IL34: variants seen among roughly 807,000 people sequenced by gnomAD.
IL34 encodes the protein interleukin-34.
In IL34, 17 loss-of-function variants were observed where a neutral mutation model predicts 25.3. The observed-to-expected ratio is 0.67, with a 90% confidence interval of 0.46 to 1.01. The LOEUF (loss-of-function observed/expected upper bound fraction) is 1.01, where lower values mean the gene tolerates loss of function less well. Among genes scored for constraint, IL34 ranks in the 50% least tolerant of loss-of-function variants. The pLI, the probability that IL34 is intolerant of heterozygous loss-of-function variation, is 0.00. For synonymous variants in IL34, 174 were observed against 140.9 expected (o/e 1.23, Z -1.66); for missense variants, 368 against 312.9 (o/e 1.18, Z -1.33).
At chr16:70,619,776 G>A (rs1203101795) in intron 1 of IL34, among the ~76,000 whole-genome samples, 5 of 152,054 alleles carry the variant, frequency 3.3e-5, no homozygotes, top group Non-Finnish European at 7.4e-5. Flanking sequence ...AGAGAGCCTT[G>A]GGCCAGAGTT....
intron 1 of IL34, among the ~76,000 whole-genome samples, chr16:70,651,709 C>T (rs1426941421): frequency 1.3e-5 from 2 of 151,006 alleles, no homozygotes; most frequent in African/African-American, 4.9e-5. Flanking sequence ...GTAATTCCTG[C>T]TCATAGCTGG....
intron 1 of IL34, among the ~76,000 whole-genome samples, chr16:70,630,631 C>G (rs941265876): frequency 6.7e-6 from 1 of 150,192 alleles, no homozygotes; most frequent in Admixed American, 6.7e-5. Context: ...CAGGCATGAT[C>G]AGTGCAATCA....
At chr16:70,620,560 C>T (rs1299649359) in intron 1 of IL34, among the ~76,000 whole-genome samples, 2 of 152,044 alleles carry the variant, frequency 1.3e-5, no homozygotes, top group Non-Finnish European at 2.9e-5. Context: ...TAGAAAGACT[C>T]AGCGACACTT....
intron 1 of IL34, among the ~76,000 whole-genome samples, chr16:70,595,333 C>T (rs868194398): frequency 1.4e-5 from 2 of 146,244 alleles, no homozygotes; most frequent in Non-Finnish European, 2.9e-5. Flanking sequence ...AATTCCTTCT[C>T]CTTCTTTTTC....
chr16:70,635,621 G>T (rs1167177010), intron 1 of IL34, among the ~76,000 whole-genome samples: 1 of 152,164 alleles, frequency 6.6e-6, no homozygotes. Context: ...GGGTCCCATT[G>T]ACTGGTCCCA....
chr16:70,647,339 G>T (rs1487120775), intron 1 of IL34, among the ~76,000 whole-genome samples: 2 of 152,208 alleles, frequency 1.3e-5, no homozygotes, highest in Non-Finnish European at 2.9e-5. Context: ...GTGGAGGGGG[G>T]CAGGGGCTGG....
intron 1 of IL34, among the ~76,000 whole-genome samples, chr16:70,629,981 C>T (rs1274865065): frequency 6.6e-6 from 1 of 152,150 alleles, no homozygotes; most frequent in Non-Finnish European, 1.5e-5. Flanking sequence ...ACCAACCAAC[C>T]ATCATTTCCA....
intron 4 of IL34, among the ~76,000 whole-genome samples, chr16:70,658,359 T>TG (rs1251022849): frequency 2.6e-5 from 4 of 152,106 alleles, no homozygotes; most frequent in East Asian, 1.9e-4. Flanking sequence ...GTTTTAGAGA[T>TG]GGGGGTCTCG....
intron 1 of IL34, among the ~76,000 whole-genome samples, chr16:70,649,284 C>A (rs1597777121): frequency 6.6e-6 from 1 of 152,208 alleles, no homozygotes; most frequent in Non-Finnish European, 1.5e-5. Context: ...CTTTTGCAGT[C>A]ATATTTATAC....
chr16:70,616,412 G>T (rs1464734207), intron 1 of IL34, among the ~76,000 whole-genome samples: 1 of 152,120 alleles, frequency 6.6e-6, no homozygotes, highest in South Asian at 2.1e-4. Flanking sequence ...ACTCAATGTA[G>T]TCTTAATTTA....
Position 70,657,452 on chromosome 16 carries a change from G to T in IL34, c.402+331G>T, listed in dbSNP as rs576721441. The T allele has an allele frequency of 4.5e-4, 118 of 264,212 alleles. 1 individual carries two copies. The highest frequency in any genetic ancestry group is 1.2e-4 in the Non-Finnish European group (17 of 138,358). 16.4% of individuals were successfully genotyped at this position (264,212 alleles called of 1,614,324 possible). ...CACGAGGGTCCTGGAGGTGGGGTAG[G>T]GGGAGAGGGGAAGAATGGATGGAGC... On this transcript the variant is annotated intron_variant, in intron 4 of 5. Transcript: ENST00000288098.
At chr16:70,580,488 TA>T in intron 1 of IL34, among the ~76,000 whole-genome samples, 2 of 152,322 alleles carry the variant, frequency 1.3e-5, no homozygotes, top group East Asian at 3.9e-4. Flanking sequence ...TATCAAAAAT[TA>T]ATTGACTTGG....
At chr16:70,617,873 A>G (rs913899266) in intron 1 of IL34, among the ~76,000 whole-genome samples, 3 of 152,010 alleles carry the variant, frequency 2.0e-5, no homozygotes, top group African/African-American at 7.3e-5. Context: ...AAGGGAAGAA[A>G]TGACTGCGGT....
chr16:70,597,348 G>A (rs1242466029), intron 1 of IL34, among the ~76,000 whole-genome samples: 1 of 151,952 alleles, frequency 6.6e-6, no homozygotes, highest in African/African-American at 2.4e-5. Context: ...AGCCTCCCAT[G>A]TAGCTGGGAC....
intron 1 of IL34, among the ~76,000 whole-genome samples, chr16:70,634,608 A>C (rs1316368935): frequency 6.6e-6 from 1 of 151,410 alleles, no homozygotes; most frequent in East Asian, 1.9e-4. Flanking sequence ...TGAACCCAGG[A>C]GGCGGAGGTT....
intron 2 of IL34, among the ~76,000 whole-genome samples, chr16:70,655,186 G>A (rs2052184315): frequency 1.3e-5 from 2 of 151,444 alleles, no homozygotes; most frequent in Admixed American, 6.6e-5. Context: ...CCGAGTAGCT[G>A]GGACTACAGG....
intron 1 of IL34, among the ~76,000 whole-genome samples, chr16:70,587,530 C>T (rs973790341): frequency 2.0e-5 from 3 of 151,974 alleles, no homozygotes; most frequent in African/African-American, 4.8e-5. Flanking sequence ...CTCGGCGTCC[C>T]AAAGGGCTGG....
At chr16:70,631,906 A>G (rs538636605) in intron 1 of IL34, among the ~76,000 whole-genome samples, 3 of 150,002 alleles carry the variant, frequency 2.0e-5, no homozygotes, top group South Asian at 4.4e-4. Context: ...CCTGGGTACC[A>G]TGGCAAAACC....
chr16:70,651,566 G>A (rs745796611), intron 1 of IL34, among the ~76,000 whole-genome samples: 3 of 152,116 alleles, frequency 2.0e-5, no homozygotes, highest in Non-Finnish European at 4.4e-5. Context: ...GGACAAAGGC[G>A]AGGCAGGAGG....
Sources: gnomAD v4.1 joint callset for allele counts (sites outside exome capture counted in the v4.1 genomes callset) on GRCh38, gnomAD v4.1.1 for gene constraint, MANE v1.5 for transcripts, NCBI Gene and HGNC (gene_info 2026-07-23, HGNC 2026-07-21) for gene names.